Variants in MAP6 observed in about 807,000 individuals in gnomAD.
MAP6 encodes the protein microtubule-associated protein 6.
A neutral mutation model predicts 42.4 loss-of-function variants in MAP6; 26 were observed. The observed-to-expected ratio is 0.61, with a 90% confidence interval of 0.45 to 0.85. The LOEUF (loss-of-function observed/expected upper bound fraction) is 0.85, where lower values mean the gene tolerates loss of function less well. Ranked by LOEUF, MAP6 falls within the 40% of genes least tolerant of loss-of-function variation. The probability of loss-of-function intolerance (pLI) is 0.00; values close to 1 mark genes in which losing one functional copy is unlikely to be tolerated. For missense variants in MAP6, 966 were observed against 1,099.0 expected, an observed-to-expected ratio of 0.88 and a Z score of 1.71; for synonymous variants, 418 against 443.8, an observed-to-expected ratio of 0.94 and a Z score of 0.73.
intron 1 of MAP6, among the ~76,000 whole-genome samples, chr11:75,625,108 G>A (rs917144356): frequency 5.3e-5 from 8 of 152,140 alleles, no homozygotes; most frequent in Admixed American, 3.9e-4. Context: ...AGAAGAGTAG[G>A]GATTTTCAGG....
chr11:75,667,312 G>A lies in MAP6; in HGVS notation c.905+153C>T, dbSNP rs1943964202. Among the ~76,000 whole-genome samples the A allele has an allele frequency of 6.6e-6, 1 of 152,234 alleles. No homozygotes were observed. Among genetic ancestry groups the A allele is most frequent in the Non-Finnish European group, 1.5e-5 (1 of 68,032 alleles). On this transcript the variant is annotated intron_variant, in intron 1 of 3. Coordinates refer to ENST00000304771, the MANE Select transcript of MAP6 (RefSeq NM_033063.2). The surrounding 1 kb of genome is among the most constrained non-coding windows in gnomAD (Gnocchi z 5.6). ...CAGGGCAGAAGAGAAGGCTTCGACA[G>A]GAGGTGGCCTGGGAGGCGGCTGGGG...
At chr11:75,626,698 A>G (rs1251520828) in intron 1 of MAP6, among the ~76,000 whole-genome samples, 1 of 152,192 alleles carries the variant, frequency 6.6e-6, no homozygotes, top group Non-Finnish European at 1.5e-5. Flanking sequence ...ACTTAATTTA[A>G]ATCTCAGAGC....
intron 1 of MAP6, among the ~76,000 whole-genome samples, chr11:75,664,087 T>C (rs972411430): frequency 1.3e-5 from 2 of 152,248 alleles, no homozygotes; most frequent in African/African-American, 4.8e-5. Context: ...ATCTATTTTC[T>C]AATTGAGAAC....
At chr11:75,595,503 C>A (rs1942562742) in intron 3 of MAP6, among the ~76,000 whole-genome samples, 1 of 152,186 alleles carries the variant, frequency 6.6e-6, no homozygotes, top group East Asian at 1.9e-4. Context: ...GAACTAAAGG[C>A]CACATTGTAG....
chr11:75,651,433 T>C (rs1165357872), intron 1 of MAP6, among the ~76,000 whole-genome samples: 1 of 152,186 alleles, frequency 6.6e-6, no homozygotes. Flanking sequence ...TCCCTCATGG[T>C]AGAGCTCTCT....
At chr11:75,660,294 C>A (rs953507822) in intron 1 of MAP6, among the ~76,000 whole-genome samples, 5 of 152,150 alleles carry the variant, frequency 3.3e-5, no homozygotes, top group Admixed American at 1.3e-4. Flanking sequence ...ATGATTGTTT[C>A]CAAATCTATA....
intron 1 of MAP6, among the ~76,000 whole-genome samples, chr11:75,663,541 C>A (rs766703998): frequency 1.3e-5 from 2 of 152,112 alleles, no homozygotes; most frequent in African/African-American, 4.8e-5. Flanking sequence ...CAAAATACAG[C>A]CTTCTCTTCA....
At chr11:75,622,328 TCAA>T (rs1436783474) in intron 1 of MAP6, among the ~76,000 whole-genome samples, 1 of 152,142 alleles carries the variant, frequency 6.6e-6, no homozygotes, top group Non-Finnish European at 1.5e-5. Flanking sequence ...CATTGCAGCC[TCAA>T]ACTCCTGGGC....
chr11:75,643,170 C>T (rs1477467522), intron 1 of MAP6, among the ~76,000 whole-genome samples: 6 of 151,164 alleles, frequency 4.0e-5, no homozygotes, highest in Admixed American at 4.0e-4. Flanking sequence ...TTGTAAATTG[C>T]GTGTTCACAT....
chr11:75,634,612 C>T (rs975259739), intron 1 of MAP6, among the ~76,000 whole-genome samples: 1 of 152,160 alleles, frequency 6.6e-6, no homozygotes, highest in Non-Finnish European at 1.5e-5. Context: ...ATGGGAGACA[C>T]AGGGCTTTTC....
chr11:75,627,978 C>T (rs1007909052), intron 1 of MAP6, among the ~76,000 whole-genome samples: 2 of 152,074 alleles, frequency 1.3e-5, no homozygotes, highest in African/African-American at 2.4e-5. Context: ...TGTGCTGTGA[C>T]GGGGCTACTT....
intron 1 of MAP6, among the ~76,000 whole-genome samples, chr11:75,623,500 C>T (rs1205040002): frequency 6.6e-6 from 1 of 152,188 alleles, no homozygotes; most frequent in Non-Finnish European, 1.5e-5. Flanking sequence ...CCTCCCTTTG[C>T]AAGGAGGTGA....
At chr11:75,593,432 T>C (rs1308805212) in intron 3 of MAP6, among the ~76,000 whole-genome samples, 1 of 152,220 alleles carries the variant, frequency 6.6e-6, no homozygotes, top group Non-Finnish European at 1.5e-5. Context: ...CACACTGACA[T>C]TGGATCCATA....
intron 1 of MAP6, 96 bp from the exon 2 acceptor site, chr11:75,608,418 G>A: frequency 6.5e-6 from 6 of 929,062 alleles, no homozygotes; most frequent in Non-Finnish European, 6.8e-6. Flanking sequence ...CTCTCCATCA[G>A]TGCTTGCAGC....
At chr11:75,603,909 G>A (rs1942711376) in intron 3 of MAP6, 1 of 985,352 alleles carries the variant, frequency 1.0e-6, no homozygotes, top group Non-Finnish European at 1.2e-6. Context: ...GCCAAATCTT[G>A]AGAGACTGAA....
At chr11:75,657,395 G>A (rs1412403355) in intron 1 of MAP6, among the ~76,000 whole-genome samples, 2 of 152,202 alleles carry the variant, frequency 1.3e-5, no homozygotes, top group East Asian at 1.9e-4. Context: ...ACAGGCGTGA[G>A]CCACCATGCC....
At chr11:75,651,344 C>G (rs539775896) in intron 1 of MAP6, among the ~76,000 whole-genome samples, 7 of 152,150 alleles carry the variant, frequency 4.6e-5, no homozygotes, top group Non-Finnish European at 1.0e-4. Flanking sequence ...AATCACCAAG[C>G]CTCTCTCCAA....
chr11:75,664,321 T>A (rs1486857399), intron 1 of MAP6, among the ~76,000 whole-genome samples: 1 of 152,224 alleles, frequency 6.6e-6, no homozygotes, highest in Non-Finnish European at 1.5e-5. Context: ...GATGAGCTAT[T>A]GAATAGGGAA....
chr11:75,657,581 C>T lies in MAP6; in HGVS notation c.905+9884G>A, dbSNP rs189410490. ...TTGATAAACCCTGTGTATCAATCTC[C>T]TATAGCTACTGCAACAAATTACCAC... is the stretch of plus-strand genomic sequence containing the variant. On this transcript the variant is annotated intron_variant, in intron 1 of 3. Transcript: ENST00000304771. 2.6e-5 allele frequency among the ~76,000 whole-genome samples: 4 copies of T among 152,312 alleles called. No individual in the cohort carries two copies. The East Asian group carries it at 7.7e-4, about 29-fold the overall frequency.
Sources: gnomAD v4.1 joint callset for allele counts (sites outside exome capture counted in the v4.1 genomes callset) on GRCh38, gnomAD v4.1.1 for gene constraint, Gnocchi (gnomAD v3.1) non-coding constraint, MANE v1.5 for transcripts, NCBI Gene and HGNC (gene_info 2026-07-23, HGNC 2026-07-21) for gene names.